Variants in QRFPR observed in about 807,000 individuals in gnomAD.
QRFPR encodes the protein pyroglutamylated RFamide peptide receptor, also known as pyroglutamylated RF-amide peptide receptor.
A neutral mutation model predicts 31.3 loss-of-function variants in QRFPR; 37 were observed. The observed-to-expected ratio is 1.18, with a 90% CI of 0.91 to 1.56. The LOEUF (loss-of-function observed/expected upper bound fraction) is 1.56. Ranked by LOEUF, QRFPR falls within the 40% of genes most tolerant of loss-of-function variation. The pLI, the probability that QRFPR is intolerant of heterozygous loss-of-function variation, is 0.00. For missense variants in QRFPR, 542 were observed against 532.5 expected (o/e 1.02, Z -0.18); for synonymous variants, 197 against 192.0 (o/e 1.03, Z -0.22).
intron 1 of QRFPR, among the ~76,000 whole-genome samples, chr4:121,349,154 G>A (rs1421654930): frequency 6.6e-6 from 1 of 152,062 alleles, no homozygotes; most frequent in Admixed American, 6.5e-5. Context: ...CTTGGTTACT[G>A]TTTGGAAGAT....
rs1725287975 is a variant in QRFPR at position 121,329,819 on chromosome 4, G to A, written c.896-105C>T. ...ACTTAAACTTGTACAAGTATCTGAA[G>A]GTGTGAAAAGTTCTCAAGATCGTTT... is the stretch of plus-strand genomic sequence containing the variant. On this transcript the variant is annotated intron_variant, in intron 5 of 5. Coordinates refer to ENST00000394427, the MANE Select transcript of QRFPR (RefSeq NM_198179.3). 5.9e-6 allele frequency: 5 copies of A among 853,866 alleles called. No homozygotes were observed. The East Asian group carries it at 1.1e-4, about 19-fold the overall frequency. The allele number at this position is 853,866 out of a possible 1,614,324, so 52.9% of individuals were successfully genotyped here.
Position 121,368,777 on chromosome 4 carries a change from T to C in QRFPR, c.340+11531A>G, listed in dbSNP as rs576694415. On this transcript the variant is annotated intron_variant, in intron 1 of 5. Transcript: ENST00000394427. ...TGCTCACATGGATAGTGGTAAGGAA[T>C]CAAGAAGCCTGGGTTTTGGAACAGC... is the stretch of plus-strand genomic sequence containing the variant. 7.5e-5 allele frequency among the ~76,000 whole-genome samples: 10 copies of C among 133,570 alleles called. 1 individual carries two copies. The highest frequency in any genetic ancestry group is 2.6e-4 in the African/African-American group (9 of 35,246). 87.6% of individuals were successfully genotyped at this position (133,570 alleles called of 152,430 possible). A position where few individuals can be genotyped will look rare whatever the true frequency, so the allele number is the denominator to read the frequency against.
chr4:121,341,496 T>C (rs533390884), intron 1 of QRFPR, among the ~76,000 whole-genome samples: 2 of 152,336 alleles, frequency 1.3e-5, no homozygotes, highest in African/African-American at 4.8e-5. Flanking sequence ...AGGTTGAACA[T>C]TTCTAATCCC....
chr4:121,365,553 ATATAATATATAT>A (rs1560743696), intron 1 of QRFPR, among the ~76,000 whole-genome samples: 1 of 3,486 alleles, frequency 2.9e-4, no homozygotes, highest in African/African-American at 1.7e-3. Flanking sequence ...TATATATAAT[ATATAATATATAT>A]TATATATAAT....
At chr4:121,341,909 CCCCACATCCTT>C (rs1725550289) in intron 1 of QRFPR, among the ~76,000 whole-genome samples, 1 of 152,166 alleles carries the variant, frequency 6.6e-6, no homozygotes, top group African/African-American at 2.4e-5. Flanking sequence ...GAGATCACTA[CCCCACATCCTT>C]CCCTGAAGTC....
intron 1 of QRFPR, among the ~76,000 whole-genome samples, chr4:121,352,091 C>T (rs575134761): frequency 6.6e-6 from 1 of 152,192 alleles, no homozygotes; most frequent in South Asian, 2.1e-4. Flanking sequence ...ATAATTCTCT[C>T]TGGCGGTTGG....
chr4:121,336,191 A>G (rs995108431), intron 3 of QRFPR, among the ~76,000 whole-genome samples: 13 of 152,012 alleles, frequency 8.6e-5, no homozygotes, highest in Admixed American at 8.5e-4. Context: ...TGGGTAGATC[A>G]CCTATGCAAG....
At chr4:121,343,576 T>A (rs1383429613) in intron 1 of QRFPR, among the ~76,000 whole-genome samples, 1 of 152,232 alleles carries the variant, frequency 6.6e-6, no homozygotes, top group Non-Finnish European at 1.5e-5. Context: ...TAAATCAGTT[T>A]ACCTCAAGTC....
intron 1 of QRFPR, among the ~76,000 whole-genome samples, chr4:121,377,322 T>A (rs1251468884): frequency 6.6e-6 from 1 of 152,174 alleles, no homozygotes; most frequent in African/African-American, 2.4e-5. Context: ...CCTGGTGATC[T>A]TCATTGCTTT....
At chr4:121,379,832 G>A (rs1037902271) in intron 1 of QRFPR, among the ~76,000 whole-genome samples, 2 of 152,176 alleles carry the variant, frequency 1.3e-5, no homozygotes, top group African/African-American at 2.4e-5. Context: ...AGGCTGGAGG[G>A]TGGGGGAATG....
rs1726168656 is a variant in QRFPR, at chr4:121,368,473, G to A, written c.340+11835C>T. ...CTGCTAGACTAGTGTTTGTTCTGTG[G>A]CATAGAAAGAGAAGCATGCCTCCCC... is the stretch of plus-strand genomic sequence containing the variant. On this transcript the variant is annotated intron_variant, in intron 1 of 5. Transcript: ENST00000394427. 2.0e-5 allele frequency among the ~76,000 whole-genome samples: 3 copies of A among 150,602 alleles called. 1 individual carries two copies. The highest frequency in any genetic ancestry group is 4.4e-5 in the Non-Finnish European group (3 of 67,636).
intron 1 of QRFPR, among the ~76,000 whole-genome samples, chr4:121,365,534 A>ATTATATAAT (rs1491296453): frequency 9.2e-4 from 5 of 5,420 alleles, no homozygotes; most frequent in East Asian, 4.4e-3. Flanking sequence ...TATTATATAT[A>ATTATATAAT]ATATATATTA....
At chr4:121,380,185 A>AGGAGAGAGAGGG (rs375314594) in intron 1 of QRFPR, 123 bp downstream of exon 1, 28 of 366,088 alleles carry the variant, frequency 7.6e-5, no homozygotes, top group African/African-American at 3.7e-5. Flanking sequence ...CAGACGAGAG[A>AGGAGAGAGAGGG]GGAGAGAGAG....
At chr4:121,357,497 A>T (rs999721986) in intron 1 of QRFPR, among the ~76,000 whole-genome samples, 1 of 152,176 alleles carries the variant, frequency 6.6e-6, no homozygotes, top group Non-Finnish European at 1.5e-5. Context: ...TACCAGTTAC[A>T]TTTTCAGCAG....
chr4:121,330,194 T>C lies in QRFPR; in HGVS notation c.895+232A>G, dbSNP rs538219839. Among the ~76,000 whole-genome samples the C allele has an allele frequency of 1.9e-3, 282 of 152,286 alleles. 1 individual carries two copies. The highest frequency in any genetic ancestry group is 2.5e-3 in the Non-Finnish European group (172 of 68,012). On this transcript the variant is annotated intron_variant, in intron 5 of 5. Transcript: ENST00000394427. ...CCTAGGGAGAACAGAAGGAGTAACA[T>C]GGGAGAGGAATCTCAAAGCTTTGAT...
intron 1 of QRFPR, among the ~76,000 whole-genome samples, chr4:121,347,847 A>G (rs1725687112): frequency 6.6e-6 from 1 of 152,262 alleles, no homozygotes; most frequent in Admixed American, 6.5e-5. Flanking sequence ...TTTATTTACC[A>G]TGACTAATAT....
Position 121,380,179 on chromosome 4 carries a change from C to CGAGAGAG in QRFPR, c.340+122_340+128dup, listed in dbSNP as rs1266176900. ...GACAGACGAGAGAGAGACAGACAGA[C>CGAGAGAG]GAGAGAGGAGAGAGAGAGAGAGAGA... On this transcript the variant is annotated intron_variant, in intron 1 of 5. Coordinates refer to ENST00000394427, the MANE Select transcript of QRFPR (RefSeq NM_198179.3). 4.6e-4 allele frequency: 225 copies of CGAGAGAG among 493,870 alleles called. 1 individual carries two copies. The highest frequency in any genetic ancestry group is 3.5e-4 in the Non-Finnish European group (104 of 296,084). 30.6% of individuals were successfully genotyped at this position (493,870 alleles called of 1,614,324 possible).
intron 1 of QRFPR, among the ~76,000 whole-genome samples, chr4:121,375,727 C>G (rs1671288442): frequency 6.6e-6 from 1 of 152,144 alleles, no homozygotes; most frequent in African/African-American, 2.4e-5. Flanking sequence ...AGGTTGCATG[C>G]TAAGCTTCAG....
At chr4:121,374,873 G>A (rs1726321610) in intron 1 of QRFPR, among the ~76,000 whole-genome samples, 1 of 152,026 alleles carries the variant, frequency 6.6e-6, no homozygotes, top group Non-Finnish European at 1.5e-5. Flanking sequence ...TTTTGGAATT[G>A]CTTTTAGTCA....
Sources: allele counts gnomAD v4.1 joint callset (sites outside exome capture counted in the v4.1 genomes callset), GRCh38; gene constraint gnomAD v4.1.1; transcripts MANE v1.5; gene names NCBI Gene and HGNC (gene_info 2026-07-23, HGNC 2026-07-21).